Variants in CADPS2 observed in about 807,000 individuals in gnomAD.
The protein encoded by CADPS2 is calcium-dependent secretion activator 2.
Under a neutral mutation model 172.5 loss-of-function variants are expected in CADPS2, and 93 were observed. That is an observed-to-expected ratio of 0.54 (90% CI 0.46 to 0.64). CADPS2 has a LOEUF of 0.64. Ranked by LOEUF, CADPS2 falls within the 30% of genes least tolerant of loss-of-function variation. The pLI is 0.00. For synonymous variants in CADPS2, 546 were observed against 555.2 expected (o/e 0.98, Z 0.23); for missense variants, 1,420 against 1,565.9 (o/e 0.91, Z 1.57).
At chr7:122,701,755 A>G (rs1263482904) in intron 2 of CADPS2, 20 of 997,656 alleles carry the variant, frequency 2.0e-5, no homozygotes, top group Non-Finnish European at 3.0e-5. Context: ...CTCTCTACAT[A>G]AAGTACAATA....
At chr7:122,461,627 G>A (rs113712607) in intron 14 of CADPS2, among the ~76,000 whole-genome samples, 6 of 151,766 alleles carry the variant, frequency 4.0e-5, no homozygotes, top group African/African-American at 7.2e-5. Context: ...ATGGAGTCTC[G>A]CTCTGTCACC....
chr7:122,733,907 C>G (rs141009815), intron 2 of CADPS2, among the ~76,000 whole-genome samples: 1 of 152,026 alleles, frequency 6.6e-6, no homozygotes, highest in Non-Finnish European at 1.5e-5. Context: ...CATCACTGCA[C>G]TCTAGTCGGG....
rs2043990040 is a variant in CADPS2 at position 122,388,687 on chromosome 7, T to C, written c.3060A>G (p.Gln1020=). 6.2e-7 allele frequency: 1 copy of C among 1,610,358 alleles called. No individual in the cohort carries two copies. The highest frequency in any genetic ancestry group is 8.5e-7 in the Non-Finnish European group (1 of 1,177,706). The change falls in exon 23 of 30, where the codon CAA becomes CAG. Residue 1020 remains glutamine (Q), a synonymous_variant. Transcript: ENST00000449022. ...EDLFWKLDAL[Q]MFVFDLHWPE... is the part of the protein sequence containing the mutation. ...GCCAGTGCAGATCAAAGACAAACATTTGCAGTGCATCAAGCTTCCAAAAAA... is the reference window on the plus strand; with the variant it reads ...GCCAGTGCAGATCAAAGACAAACATCTGCAGTGCATCAAGCTTCCAAAAAA...
rs146770990 is a variant in CADPS2, at chr7:122,814,518, T to C, written c.339+71481A>G. Among the ~76,000 whole-genome samples, 784 of 152,156 alleles carry C rather than the reference T, an allele frequency of 5.2e-3. 6 individuals carry two copies. Among genetic ancestry groups the C allele is most frequent in the African/African-American group, 0.018 (761 of 41,526 alleles). On this transcript the variant is annotated intron_variant, in intron 1 of 29. Coordinates refer to ENST00000449022, the MANE Select transcript of CADPS2 (RefSeq NM_017954.11). Reference sequence around the variant, plus strand: ...AAATGGCTAAAAAGAAAAAAGATAATTATTCATGACATGTCAAAATTATAA... The same window carrying C: ...AAATGGCTAAAAAGAAAAAAGATAACTATTCATGACATGTCAAAATTATAA...
At chr7:122,776,949 G>T (rs745446471) in intron 1 of CADPS2, among the ~76,000 whole-genome samples, 9 of 152,194 alleles carry the variant, frequency 5.9e-5, no homozygotes, top group African/African-American at 9.6e-5. Context: ...CCAGGAAAAG[G>T]AGACCATCCT....
intron 8 of CADPS2, among the ~76,000 whole-genome samples, chr7:122,551,785 A>G (rs2131920998): frequency 6.6e-6 from 1 of 152,270 alleles, no homozygotes; most frequent in South Asian, 2.1e-4. Context: ...AGGAGAAATG[A>G]TTGACAAAAC....
At chr7:122,471,032 C>T (rs1302979797) in intron 14 of CADPS2, among the ~76,000 whole-genome samples, 5 of 152,106 alleles carry the variant, frequency 3.3e-5, no homozygotes, top group African/African-American at 1.2e-4. Flanking sequence ...CACATCCTAC[C>T]CAGGCACAGG....
At chr7:122,525,321 T>A (rs1003645632) in intron 8 of CADPS2, among the ~76,000 whole-genome samples, 1 of 152,170 alleles carries the variant, frequency 6.6e-6, no homozygotes, top group African/African-American at 2.4e-5. Flanking sequence ...TAGAGTAACA[T>A]CTTCCTGTAA....
In CADPS2 at chr7:122,385,383, T is replaced by G. The variant is rs187734977; in HGVS notation, c.3312+1643A>C. Among the ~76,000 whole-genome samples, 174 of 152,162 alleles carry G rather than the reference T, an allele frequency of 1.1e-3. 2 individuals are homozygous for G. Among genetic ancestry groups the G allele is most frequent in the Admixed American group, 0.011 (164 of 15,282 alleles). On this transcript the variant is annotated intron_variant, in intron 24 of 29. Transcript: ENST00000449022. ...TGGCCAAATAGCTAATGTCTATACC[T>G]GGGGCAATAGGTATAGAATTCACAA...
chr7:122,658,275 C>T (rs2080063662), intron 3 of CADPS2, among the ~76,000 whole-genome samples: 1 of 152,186 alleles, frequency 6.6e-6, no homozygotes, highest in Non-Finnish European at 1.5e-5. Flanking sequence ...AATAGGAACA[C>T]TTTTACACTG....
chr7:122,744,043 G>C (rs1588932198), intron 1 of CADPS2, among the ~76,000 whole-genome samples: 1 of 152,190 alleles, frequency 6.6e-6, no homozygotes, highest in Non-Finnish European at 1.5e-5. Context: ...ACAAATATCA[G>C]GTTCACTTGA....
chr7:122,795,736 T>C (rs183082033), intron 1 of CADPS2, among the ~76,000 whole-genome samples: 22 of 152,150 alleles, frequency 1.4e-4, no homozygotes, highest in Admixed American at 5.2e-4. Flanking sequence ...ATCTATGACA[T>C]ACCCACCACA....
chr7:122,687,572 A>G (rs1489980033), intron 2 of CADPS2, among the ~76,000 whole-genome samples: 2 of 152,188 alleles, frequency 1.3e-5, no homozygotes, highest in Non-Finnish European at 2.9e-5. Context: ...GATACCAATA[A>G]TGCCTATCTC....
intron 4 of CADPS2, among the ~76,000 whole-genome samples, chr7:122,626,712 G>A (rs755415877): frequency 6.8e-4 from 104 of 152,226 alleles, no homozygotes; most frequent in Non-Finnish European, 1.4e-3. Context: ...TTATCCCAAT[G>A]TATCCCAAGT....
chr7:122,513,062 C>T (rs1331335366), intron 9 of CADPS2, among the ~76,000 whole-genome samples, 187 bp downstream of exon 9: 2 of 152,090 alleles, frequency 1.3e-5, no homozygotes, highest in Admixed American at 1.3e-4. Flanking sequence ...AATTGTTTGG[C>T]TTGGAAAACA....
rs189070876 is a variant in CADPS2 at position 122,387,057 on chromosome 7, G to A, written c.3281C>T (p.Thr1094Ile). The change falls in exon 24 of 30, where the codon ACC (threonine) becomes ATC (isoleucine). Residue 1094 changes from threonine to isoleucine, a missense_variant. By Grantham distance (89) the Thr-to-Ile change is moderately conservative (BLOSUM62 -1). Transcript: ENST00000449022. ...TCCTCCATCCAGGGCACAGAGTTTG[G>A]TGCTTTGCTTTTTGGCATCGACTAA... ...NVLVDAKKQS[T>I]KLCALDGGQE... 5.8e-6 allele frequency: 9 copies of A among 1,559,598 alleles called. No homozygotes were observed. In the Admixed American group the frequency reaches 1.3e-4, roughly 23 times the overall value.
chr7:122,476,390 T>A (rs1265441211), intron 12 of CADPS2, among the ~76,000 whole-genome samples: 1 of 152,090 alleles, frequency 6.6e-6, no homozygotes, highest in Non-Finnish European at 1.5e-5. Flanking sequence ...TCTTTTACTA[T>A]AAAGATTTGT....
chr7:122,852,201 A>G (rs1813847433), intron 1 of CADPS2, among the ~76,000 whole-genome samples: 1 of 152,222 alleles, frequency 6.6e-6, no homozygotes, highest in Admixed American at 6.5e-5. Flanking sequence ...CAACTGAAAA[A>G]GATTAGGGGA....
chr7:122,881,569 G>T (rs1473775331), intron 1 of CADPS2, among the ~76,000 whole-genome samples: 2 of 152,038 alleles, frequency 1.3e-5, no homozygotes, highest in African/African-American at 4.8e-5. Flanking sequence ...TCTGTACTTG[G>T]ACCATAATGC....
Sources: allele counts gnomAD v4.1 joint callset (sites outside exome capture counted in the v4.1 genomes callset), GRCh38; gene constraint gnomAD v4.1.1; transcripts MANE v1.5; gene names NCBI Gene and HGNC (gene_info 2026-07-23, HGNC 2026-07-21).